SLC8A2: variants seen among roughly 807,000 people sequenced by gnomAD.
SLC8A2 encodes solute carrier family 8 member A2, also known as sodium/calcium exchanger 2.
In SLC8A2, 14 loss-of-function variants were observed where a neutral mutation model predicts 70.2. That is an observed-to-expected ratio of 0.20 (90% CI 0.13 to 0.31). The LOEUF (loss-of-function observed/expected upper bound fraction) is 0.31, where lower values mean the gene tolerates loss of function less well. SLC8A2 is among the 10% of genes least tolerant of loss of function. The pLI, the probability that SLC8A2 is intolerant of heterozygous loss-of-function variation, is 1.00. For missense variants in SLC8A2, 779 were observed against 1,320.1 expected (o/e 0.59, Z 6.35); for synonymous variants, 575 against 594.3 (o/e 0.97, Z 0.47).
In SLC8A2 at chr19:47,466,124, T is replaced by G; in HGVS notation, c.280A>C (p.Met94Leu). The change falls in exon 2 of 10, where the codon ATG (methionine) becomes CTG (leucine). Residue 94 changes from methionine to leucine, a missense_variant. By Grantham distance (15) the Met-to-Leu change is conservative. Around this residue, in one of 6 missense-constraint regions of SLC8A2, gnomAD observed 155 missense variants for 318.6 expected, o/e 0.49. Transcript: ENST00000236877. This position sits in a 1 kb window ranked among gnomAD's most constrained non-coding sequence, Gnocchi z 6.9. Reference sequence around the variant, plus strand: ...GACGTGATGACCTCGATGGCCGCCATGAAACGGTCGGCGATGATGGACACT... The same window carrying G: ...GACGTGATGACCTCGATGGCCGCCAGGAAACGGTCGGCGATGATGGACACT... Reference protein sequence around the residue: ...LGVSIIADRFMAAIEVITSKE... With the variant: ...LGVSIIADRFLAAIEVITSKE... 6.2e-7 allele frequency: 1 copy of G among 1,614,182 alleles called. No individual in the cohort carries two copies. Among genetic ancestry groups the G allele is most frequent in the Non-Finnish European group, 8.5e-7 (1 of 1,180,040 alleles).
chr19:47,440,562 G>A (rs771670659), intron 6 of SLC8A2, among the ~76,000 whole-genome samples: 1 of 150,996 alleles, frequency 6.6e-6, no homozygotes, highest in South Asian at 2.1e-4. Context: ...AAGCAGCTGG[G>A]ATTCCAGATG....
At chr19:47,467,649 C>T (rs1967480392) in intron 1 of SLC8A2, among the ~76,000 whole-genome samples, 1 of 151,988 alleles carries the variant, frequency 6.6e-6, no homozygotes, top group African/African-American at 2.4e-5. Flanking sequence ...CTCCCTACCT[C>T]TGGTGCTGAG....
chr19:47,463,025 A>G (rs1967414776), intron 2 of SLC8A2, among the ~76,000 whole-genome samples: 1 of 152,162 alleles, frequency 6.6e-6, no homozygotes, highest in Non-Finnish European at 1.5e-5. Flanking sequence ...CTTTCTCTGA[A>G]GCCCAGCTTA....
At chr19:47,459,727 CTGTG>C (rs146281410) in intron 2 of SLC8A2, among the ~76,000 whole-genome samples, 12 of 149,382 alleles carry the variant, frequency 8.0e-5, no homozygotes, top group Admixed American at 2.0e-4. Context: ...GTGTGTACGT[CTGTG>C]TGTGTATGTG....
rs569898102 is a variant in SLC8A2 at position 47,439,251 on chromosome 19, G to A, written c.1886-1278C>T. ...TCGTAAAACTTTGCCTGAGAGGCCA[G>A]GTACAGTGGCTCATGTCTGTAATCC... On this transcript the variant is annotated intron_variant, in intron 6 of 9. Transcript: ENST00000236877. Among the ~76,000 whole-genome samples, 13 of 152,308 alleles carry A rather than the reference G, an allele frequency of 8.5e-5. No individual in the cohort carries two copies. The South Asian group carries it at 1.2e-3, about 15-fold the overall frequency.
At position 47,465,834 on chromosome 19, in the gene SLC8A2, G is replaced by T; in HGVS notation, c.570C>A (p.Arg190=). 1 of 1,614,202 alleles carries T rather than the reference G, an allele frequency of 6.2e-7. No individual in the cohort carries two copies. The change falls in exon 2 of 10, where the codon CGC becomes CGA. Residue 190 remains arginine (R), a synonymous_variant. Transcript: ENST00000236877. The surrounding 1 kb of genome is among the most constrained non-coding windows in gnomAD (Gnocchi z 5.5). ...CIYVIPAGES[R]KIKHLRVFFV... is the part of the protein sequence containing the mutation. The stretch of plus-strand genomic sequence containing the variant: ...AGAAGACTCTCAGGTGCTTGATCTT[G>T]CGGCTCTCGCCGGCTGGGATGACGT...
In SLC8A2 at chr19:47,465,888, G is replaced by A. The variant is rs1967451781; in HGVS notation, c.516C>T (p.Asn172=). 2 of 1,614,018 alleles carry A rather than the reference G, an allele frequency of 1.2e-6. No homozygotes were observed. Among genetic ancestry groups the A allele is most frequent in the Non-Finnish European group, 1.7e-6 (2 of 1,180,042 alleles). Residue 172 remains asparagine (N), a synonymous_variant, in exon 2 of 10, where the codon AAC becomes AAT. Transcript: ENST00000236877. This position sits in a 1 kb window ranked among gnomAD's most constrained non-coding sequence, Gnocchi z 5.5. ...TGCACACGGCGATGACCACAAACAT[G>A]TTGAAGGCAGCGCTGCCCACGATGG... is the stretch of plus-strand genomic sequence containing the variant. ...PGTIVGSAAF[N]MFVVIAVCIY... is the part of the protein sequence containing the mutation.
chr19:47,452,419 AGAGAGAGAGAGAGAGAGAGAGAGAGAGT>A (rs1161610223), intron 3 of SLC8A2, among the ~76,000 whole-genome samples: 106 of 115,438 alleles, frequency 9.2e-4, no homozygotes, highest in African/African-American at 3.3e-3. Context: ...AGAGAGAGAG[AGAGAGAGAGAGAGAGAGAGAGAGAGAGT>A]GTGTGTGTGT....
intron 9 of SLC8A2, among the ~76,000 whole-genome samples, chr19:47,431,731 G>C (rs1966965439): frequency 6.9e-6 from 1 of 145,624 alleles, no homozygotes; most frequent in African/African-American, 2.5e-5. Context: ...TTTCTGTCAT[G>C]TCCCCCAACA....
chr19:47,457,362 G>GCGGGGC lies in SLC8A2; in HGVS notation c.902_907dup (p.Gly301_Pro302dup). The GCGGGGC allele has an allele frequency of 6.5e-7, 1 of 1,543,742 alleles. No homozygotes were observed. Among genetic ancestry groups the GCGGGGC allele is most frequent in the Non-Finnish European group, 8.7e-7 (1 of 1,145,050 alleles). ...GCTGGCGTCCAGCTCGCGCGCCTCGGCGGGGCCCGGGCCCAGGCCGCCCAG... is the reference window on the plus strand; with the variant it reads ...GCTGGCGTCCAGCTCGCGCGCCTCGGCGGGGCCGGGGCCCGGGCCCAGGCCGCCCAG... On this transcript the variant is annotated inframe_insertion, in exon 3 of 10. Transcript: ENST00000236877.
Position 47,432,098 on chromosome 19 carries a change from C to T in SLC8A2, c.2389+69G>A. 6.9e-7 allele frequency: 1 copy of T among 1,443,820 alleles called. No individual in the cohort carries two copies. Among genetic ancestry groups the T allele is most frequent in the Non-Finnish European group, 9.4e-7 (1 of 1,062,646 alleles). 89.4% of individuals were successfully genotyped at this position (1,443,820 alleles called of 1,614,324 possible). A position where few individuals can be genotyped will look rare whatever the true frequency, so the allele number is the denominator to read the frequency against. ...TGTGACTCCACCCACCTCATTTTGG[C>T]AGGATCCTGTGTTGCCCCTGCCTGG... On this transcript the variant is annotated intron_variant, in intron 9 of 9. Transcript: ENST00000236877. This position sits in a 1 kb window ranked among gnomAD's most constrained non-coding sequence, Gnocchi z 6.2.
intron 1 of SLC8A2, among the ~76,000 whole-genome samples, chr19:47,470,992 C>T (rs1202173810): frequency 6.6e-6 from 1 of 151,926 alleles, no homozygotes; most frequent in Admixed American, 6.6e-5. Flanking sequence ...CCAGGTCCCC[C>T]CTGCCAGGGG....
chr19:47,454,397 C>T (rs1967279019), intron 3 of SLC8A2, among the ~76,000 whole-genome samples: 2 of 152,172 alleles, frequency 1.3e-5, no homozygotes, highest in South Asian at 4.1e-4. Context: ...GAGGATGGAC[C>T]GAGTGGCCAA....
At chr19:47,440,974 G>A (rs530549250) in intron 6 of SLC8A2, among the ~76,000 whole-genome samples, 195 bp downstream of exon 6, 123 of 152,200 alleles carry the variant, frequency 8.1e-4, no homozygotes, top group African/African-American at 2.9e-3. Context: ...AATGCTAACT[G>A]TAATCCCAAA....
chr19:47,461,188 CA>C (rs1263335849), intron 2 of SLC8A2, among the ~76,000 whole-genome samples: 13 of 140,148 alleles, frequency 9.3e-5, no homozygotes, highest in Admixed American at 2.9e-4. Context: ...GACTCTGTTT[CA>C]AAAAAAAAAG....
chr19:47,455,529 G>C (rs1318284883), intron 3 of SLC8A2, among the ~76,000 whole-genome samples: 1 of 152,154 alleles, frequency 6.6e-6, no homozygotes, highest in East Asian at 1.9e-4. Flanking sequence ...AGATCTGTTT[G>C]TTTCTTGCAC....
rs1967441662 is a variant in SLC8A2, at chr19:47,465,131, G to T, written c.675+598C>A. ...AACCGTGATTACATATCTGGCAAATGGCTAAATTATGCAGATGTAGGTATA... is the reference window on the plus strand; with the variant it reads ...AACCGTGATTACATATCTGGCAAATTGCTAAATTATGCAGATGTAGGTATA... On this transcript the variant is annotated intron_variant, in intron 2 of 9. Transcript: ENST00000236877. The surrounding 1 kb of genome is among the most constrained non-coding windows in gnomAD (Gnocchi z 5.5). Among the ~76,000 whole-genome samples the T allele has an allele frequency of 6.6e-6, 1 of 152,148 alleles. No individual in the cohort carries two copies. The highest frequency in any genetic ancestry group is 2.1e-4 in the South Asian group (1 of 4,828).
At chr19:47,469,347 A>G (rs1309717749) in intron 1 of SLC8A2, among the ~76,000 whole-genome samples, 1 of 152,058 alleles carries the variant, frequency 6.6e-6, no homozygotes, top group Non-Finnish European at 1.5e-5. Flanking sequence ...CTTTCAGGAG[A>G]AACAGGGGCC....
In SLC8A2 at chr19:47,466,160, T is replaced by A; in HGVS notation, c.244A>T (p.Met82Leu). 2 of 1,614,208 alleles carry A rather than the reference T, an allele frequency of 1.2e-6. No homozygotes were observed. The highest frequency in any genetic ancestry group is 1.7e-6 in the Non-Finnish European group (2 of 1,180,040). ...GCGATGATGGACACTCCCAGAAACA[T>A]GTAGACCATGGCCACAAAGTACACC... The part of the protein sequence containing the change: ...AVVYFVAMVY[M>L]FLGVSIIADR... Residue 82 changes from methionine to leucine, a missense_variant, in exon 2 of 10, where the codon ATG becomes TTG. Around this residue, in one of 6 missense-constraint regions of SLC8A2, gnomAD observed 155 missense variants for 318.6 expected, o/e 0.49. Transcript: ENST00000236877. The surrounding 1 kb of genome is among the most constrained non-coding windows in gnomAD (Gnocchi z 6.9).
Sources: gnomAD v4.1 joint callset for allele counts (sites outside exome capture counted in the v4.1 genomes callset) on GRCh38, gnomAD v4.1.1 for gene constraint, gnomAD v4.1.1 regional missense constraint, Gnocchi (gnomAD v3.1) non-coding constraint, MANE v1.5 for transcripts, NCBI Gene and HGNC (gene_info 2026-07-23, HGNC 2026-07-21) for gene names.